Variants in NTRK2 observed in about 807,000 individuals in gnomAD.
NTRK2 encodes the protein neurotrophic receptor tyrosine kinase 2.
NTRK2 carries 13 observed loss-of-function variants against 94.5 expected under a neutral mutation model. The ratio of observed to expected loss-of-function variants is 0.14; its 90% CI spans 0.09 to 0.22. The LOEUF is 0.22. Ranked by LOEUF, NTRK2 falls within the 10% of genes least tolerant of loss-of-function variation. The pLI, the probability that NTRK2 is intolerant of heterozygous loss-of-function variation, is 1.00. For synonymous variants in NTRK2, 372 were observed against 407.4 expected (o/e 0.91, Z 1.05); for missense variants, 639 against 1,071.2 (o/e 0.60, Z 5.63).
chr9:84,851,238 A>G (rs571499277), intron 12 of NTRK2, among the ~76,000 whole-genome samples: 30 of 152,286 alleles, frequency 2.0e-4, no homozygotes, highest in African/African-American at 7.0e-4. Flanking sequence ...AATTTTGATT[A>G]GTTTCCAGAA....
At position 85,023,115 on chromosome 9, in the gene NTRK2, A is replaced by G; in HGVS notation, c.*1678A>G. 1 of 233,072 alleles carries G rather than the reference A, an allele frequency of 4.3e-6. No homozygotes were observed. Among genetic ancestry groups the G allele is most frequent in the Non-Finnish European group, 8.5e-6 (1 of 117,900 alleles). 14.4% of individuals were successfully genotyped at this position (233,072 alleles called of 1,614,324 possible). On this transcript the variant is annotated 3_prime_UTR_variant, in exon 19 of 19. Transcript: ENST00000277120. ...GACCAAGCACTGGAAGTGTGCTTCT[A>G]GGCATAGTCATTGGTTTTGCAAAAA...
At chr9:85,007,717 C>A (rs1831127081) in intron 17 of NTRK2, among the ~76,000 whole-genome samples, 1 of 152,104 alleles carries the variant, frequency 6.6e-6, no homozygotes, top group Non-Finnish European at 1.5e-5. Flanking sequence ...AAATGAAGAC[C>A]CTCTTATGAT....
chr9:84,968,841 A>G (rs193076587), intron 17 of NTRK2, among the ~76,000 whole-genome samples: 272 of 152,312 alleles, frequency 1.8e-3, no homozygotes, highest in African/African-American at 6.2e-3. Flanking sequence ...GTCCTGTGGC[A>G]TATACTGTGC....
intron 3 of NTRK2, 52 bp from the exon 4 acceptor site, chr9:84,702,296 G>A (rs533624924): frequency 6.2e-7 from 1 of 1,608,068 alleles, no homozygotes; most frequent in African/African-American, 1.3e-5. Context: ...CTCTGGTCAG[G>A]CAGGCATTCA....
intron 13 of NTRK2, among the ~76,000 whole-genome samples, chr9:84,862,543 T>C (rs1404608275): frequency 6.6e-6 from 1 of 152,208 alleles, no homozygotes; most frequent in Non-Finnish European, 1.5e-5. Flanking sequence ...CAGAGAGCTC[T>C]TCAGAATTAT....
chr9:84,901,688 C>G (rs1351123483), intron 14 of NTRK2, among the ~76,000 whole-genome samples: 2 of 152,080 alleles, frequency 1.3e-5, no homozygotes, highest in African/African-American at 2.4e-5. Context: ...ACTGCACCTC[C>G]TAAAATGCAA....
intron 2 of NTRK2, among the ~76,000 whole-genome samples, chr9:84,700,617 T>TA (rs928340398): frequency 1.3e-5 from 2 of 152,198 alleles, no homozygotes; most frequent in African/African-American, 4.8e-5. Context: ...TTTTTATTTT[T>TA]AAAATTTATT....
At chr9:84,933,542 C>T (rs775690218) in intron 14 of NTRK2, among the ~76,000 whole-genome samples, 1 of 152,202 alleles carries the variant, frequency 6.6e-6, no homozygotes, top group Non-Finnish European at 1.5e-5. Flanking sequence ...GATTTTAAAA[C>T]ACGGCTAAGG....
At chr9:84,741,832 T>C in intron 9 of NTRK2, 60 bp from the exon 10 acceptor site, 1 of 1,415,594 alleles carries the variant, frequency 7.1e-7, no homozygotes, top group Non-Finnish European at 1.0e-6. Context: ...TGACATAGGT[T>C]AGTAATTTTT....
intron 17 of NTRK2, among the ~76,000 whole-genome samples, chr9:84,975,010 T>C (rs10780693): frequency 0.72 from 109,848 of 152,012 alleles, 40,211 homozygotes; most frequent in African/African-American, 0.79. Flanking sequence ...GGGGCTGCAG[T>C]TTGGCAGTGC....
intron 14 of NTRK2, among the ~76,000 whole-genome samples, chr9:84,889,121 G>C (rs914373451): frequency 6.7e-6 from 1 of 148,524 alleles, no homozygotes; most frequent in Non-Finnish European, 1.5e-5. Context: ...CTCCCGAGTA[G>C]CTGGGACTAC....
At chr9:84,782,596 T>C (rs1224309846) in intron 12 of NTRK2, among the ~76,000 whole-genome samples, 2 of 152,222 alleles carry the variant, frequency 1.3e-5, no homozygotes, top group African/African-American at 4.8e-5. Context: ...ATGTTCTGCA[T>C]ACTTAATGGG....
At chr9:84,745,095 C>T in intron 11 of NTRK2, 22 bp downstream of exon 11, 3 of 1,567,892 alleles carry the variant, frequency 1.9e-6, no homozygotes, top group Non-Finnish European at 2.6e-6. Flanking sequence ...AAATAGGTGT[C>T]TGAATTGGTT....
At chr9:84,814,579 A>G (rs1240980293) in intron 12 of NTRK2, 1 of 1,065,832 alleles carries the variant, frequency 9.4e-7, no homozygotes, top group Non-Finnish European at 1.1e-6. Flanking sequence ...TCAAGATACT[A>G]CACAAGACCT....
chr9:84,787,172 C>T (rs779400558), intron 12 of NTRK2, among the ~76,000 whole-genome samples: 1 of 151,990 alleles, frequency 6.6e-6, no homozygotes, highest in African/African-American at 2.4e-5. Context: ...GTGGCAGGCA[C>T]CTATAATCCC....
At chr9:84,893,754 C>A (rs139503106) in intron 14 of NTRK2, among the ~76,000 whole-genome samples, 16 of 152,244 alleles carry the variant, frequency 1.1e-4, no homozygotes, top group African/African-American at 3.9e-4. Context: ...TGGTGTGTAT[C>A]GCTGGGGATG....
intron 12 of NTRK2, among the ~76,000 whole-genome samples, chr9:84,853,044 T>C (rs548551827): frequency 1.3e-5 from 2 of 152,256 alleles, no homozygotes; most frequent in African/African-American, 4.8e-5. Flanking sequence ...GATGAGGATA[T>C]AGTGGCCCCA....
chr9:84,702,609 A>G (rs542193514), intron 4 of NTRK2, among the ~76,000 whole-genome samples, 190 bp downstream of exon 4: 1 of 152,336 alleles, frequency 6.6e-6, no homozygotes, highest in African/African-American at 2.4e-5. Context: ...TACTTAGAAC[A>G]GGCTGTTTAT....
At chr9:84,753,431 A>G (rs1287861180) in intron 12 of NTRK2, among the ~76,000 whole-genome samples, 3 of 152,142 alleles carry the variant, frequency 2.0e-5, no homozygotes, top group African/African-American at 7.2e-5. Context: ...GACAGCTGGC[A>G]TTTCTAACAG....
Sources: allele counts gnomAD v4.1 joint callset (sites outside exome capture counted in the v4.1 genomes callset), GRCh38; gene constraint gnomAD v4.1.1; transcripts MANE v1.5; gene names NCBI Gene and HGNC (gene_info 2026-07-23, HGNC 2026-07-21).